MND1: variants seen among roughly 807,000 people sequenced by gnomAD.
The protein encoded by MND1 is meiotic nuclear divisions 1, also known as meiotic nuclear division protein 1 homolog.
MND1 carries 28 observed loss-of-function variants against 35.1 expected under a neutral mutation model. The observed-to-expected ratio is 0.80, with a 90% confidence interval of 0.59 to 1.09. The LOEUF is 1.09. MND1 is among the 50% of genes least tolerant of loss of function. The pLI, the probability that MND1 is intolerant of heterozygous loss-of-function variation, is 0.00. For synonymous variants in MND1, 69 were observed against 70.5 expected (o/e 0.98, Z 0.11); for missense variants, 213 against 239.6 (o/e 0.89, Z 0.73).
intron 7 of MND1, among the ~76,000 whole-genome samples, chr4:153,413,196 A>G (rs1464674639): frequency 1.3e-5 from 2 of 152,148 alleles, no homozygotes; most frequent in African/African-American, 4.8e-5. Flanking sequence ...TTGGGGGGAA[A>G]TGATTCAGCC....
intron 4 of MND1, among the ~76,000 whole-genome samples, chr4:153,393,143 T>C (rs990896210): frequency 1.3e-5 from 2 of 151,912 alleles, no homozygotes; most frequent in African/African-American, 4.8e-5. Context: ...GAAAAAGATA[T>C]AAAACATAGC....
intron 4 of MND1, among the ~76,000 whole-genome samples, chr4:153,360,015 G>C (rs1773442973): frequency 6.6e-6 from 1 of 151,966 alleles, no homozygotes; most frequent in African/African-American, 2.4e-5. Context: ...TTGAACTCCT[G>C]ACCTCAGGTG....
intron 4 of MND1, among the ~76,000 whole-genome samples, chr4:153,363,365 C>A (rs1014956919): frequency 6.6e-6 from 1 of 152,052 alleles, no homozygotes; most frequent in African/African-American, 2.4e-5. Context: ...GCGCCCGCCA[C>A]CACACCTGGC....
At chr4:153,404,010 G>T (rs1244027197) in intron 6 of MND1, among the ~76,000 whole-genome samples, 1 of 151,720 alleles carries the variant, frequency 6.6e-6, no homozygotes, top group African/African-American at 2.4e-5. Flanking sequence ...CAAAAAGATT[G>T]CAAGACATAC....
At chr4:153,413,740 A>AGCCACTGTGAGCACACTGTCACGG (rs1729756179) in intron 7 of MND1, among the ~76,000 whole-genome samples, 1 of 151,220 alleles carries the variant, frequency 6.6e-6, no homozygotes, top group Non-Finnish European at 1.5e-5. Flanking sequence ...TCCCCAGTGC[A>AGCCACTGTGAGCACACTGTCACGG]GCCACTGTGA....
intron 6 of MND1, among the ~76,000 whole-genome samples, chr4:153,404,507 G>T (rs1282643729): frequency 6.8e-6 from 1 of 148,020 alleles, no homozygotes; most frequent in African/African-American, 2.5e-5. Flanking sequence ...TTTTGAAACG[G>T]GGTTTCAGTC....
intron 2 of MND1, among the ~76,000 whole-genome samples, chr4:153,355,010 A>T (rs1773305157): frequency 6.6e-6 from 1 of 152,070 alleles, no homozygotes; most frequent in East Asian, 1.9e-4. Flanking sequence ...AAAAATTTTT[A>T]AAAATTAGCC....
chr4:153,390,609 A>T (rs1438001680), intron 4 of MND1, among the ~76,000 whole-genome samples: 1 of 152,076 alleles, frequency 6.6e-6, no homozygotes, highest in Non-Finnish European at 1.5e-5. Context: ...TGCTCTAGGA[A>T]GCCCAGGTGC....
At chr4:153,362,827 T>G (rs1773528639) in intron 4 of MND1, among the ~76,000 whole-genome samples, 1 of 152,176 alleles carries the variant, frequency 6.6e-6, no homozygotes, top group African/African-American at 2.4e-5. Context: ...AGGCTTGTTT[T>G]TTTTAGTCTC....
chr4:153,345,601 C>T (rs76537401), intron 1 of MND1: 17,526 of 908,762 alleles, frequency 0.019, 209 homozygotes, highest in East Asian at 0.056. Context: ...CTTCAGTTGG[C>T]GAAGAATCAA....
chr4:153,390,917 A>ATGTG (rs1472569852), intron 4 of MND1, among the ~76,000 whole-genome samples: 3 of 103,052 alleles, frequency 2.9e-5, no homozygotes, highest in South Asian at 6.3e-4. Flanking sequence ...GTGTGTGTGT[A>ATGTG]TATGTGTGTG....
intron 4 of MND1, among the ~76,000 whole-genome samples, chr4:153,390,889 ATGTG>A (rs58003087): frequency 0.097 from 13,585 of 139,764 alleles, 952 homozygotes; most frequent in African/African-American, 0.2. Flanking sequence ...AGGTATATAT[ATGTG>A]TGTGTGTGTG....
intron 5 of MND1, among the ~76,000 whole-genome samples, chr4:153,395,819 T>G (rs1410145549): frequency 1.3e-5 from 2 of 152,206 alleles, no homozygotes; most frequent in Non-Finnish European, 2.9e-5. Context: ...TGGAGAACTA[T>G]TATTATATTC....
At position 153,350,049 on chromosome 4, in the gene MND1, A is replaced by T; in HGVS notation, c.4-15A>T. The T allele has an allele frequency of 1.3e-6, 2 of 1,561,930 alleles. No individual in the cohort carries two copies. The highest frequency in any genetic ancestry group is 1.2e-5 in the South Asian group (1 of 85,308). ...GTTTAAAAGCATTGTTTACTTGTTA[A>T]TTTTTTTGCTTTAGTCAAAGAAAAA... On this transcript the variant is annotated splice_polypyrimidine_tract_variant and intron_variant, in intron 1 of 7. Coordinates refer to ENST00000240488, the MANE Select transcript of MND1 (RefSeq NM_032117.4).
At chr4:153,367,701 C>A (rs1373249278) in intron 4 of MND1, among the ~76,000 whole-genome samples, 1 of 152,108 alleles carries the variant, frequency 6.6e-6, no homozygotes, top group Non-Finnish European at 1.5e-5. Flanking sequence ...TGGGTGTATA[C>A]CTAGGAGTAG....
chr4:153,361,521 C>T (rs756176036), intron 4 of MND1: 7 of 455,022 alleles, frequency 1.5e-5, no homozygotes, highest in South Asian at 1.1e-4. Context: ...CTGCTGCTTC[C>T]ATGAAATAAT....
chr4:153,394,030 G>A (rs1052437923), intron 4 of MND1, among the ~76,000 whole-genome samples: 8 of 145,634 alleles, frequency 5.5e-5, no homozygotes, highest in African/African-American at 2.1e-4. Context: ...CTCGAGTAGC[G>A]GGGACTACAG....
rs761806919 is a variant in MND1 at position 153,350,071 on chromosome 4, A to T, written c.11A>T (p.Lys4Ile). The T allele has an allele frequency of 1.9e-6, 3 of 1,596,472 alleles. No homozygotes were observed. Among genetic ancestry groups the T allele is most frequent in the African/African-American group, 1.4e-5 (1 of 74,038 alleles). The change falls in exon 2 of 8, where the codon AAA (lysine) becomes ATA (isoleucine). Residue 4 changes from lysine (K) to isoleucine (I), a missense_variant. Lys to Ile is a moderately radical substitution (Grantham distance 102). Transcript: ENST00000240488. ...TTAATTTTTTTGCTTTAGTCAAAGA[A>T]AAAAGGACTGAGTGCAGAAGAAAAG... MSK[K>I]KGLSAEEKRT...
intron 7 of MND1, among the ~76,000 whole-genome samples, chr4:153,409,622 C>T (rs895487228): frequency 6.6e-6 from 1 of 152,140 alleles, no homozygotes; most frequent in Non-Finnish European, 1.5e-5. Context: ...GGCGATTAGT[C>T]ACTGCAAGAA....
Sources: allele counts gnomAD v4.1 joint callset (sites outside exome capture counted in the v4.1 genomes callset), GRCh38; gene constraint gnomAD v4.1.1; transcripts MANE v1.5; gene names NCBI Gene and HGNC (gene_info 2026-07-23, HGNC 2026-07-21).